The following CDH13 variants were observed in gnomAD, a reference collection of about 807,000 sequenced individuals.
CDH13 encodes the protein cadherin-13.
In CDH13, 24 loss-of-function variants were observed where a neutral mutation model predicts 63.8. That is an observed-to-expected ratio of 0.38 (90% CI 0.27 to 0.53). The LOEUF (loss-of-function observed/expected upper bound fraction) is 0.53, where lower values mean the gene tolerates loss of function less well. Ranked by LOEUF, CDH13 falls within the 20% of genes least tolerant of loss-of-function variation. CDH13 has a pLI of 0.85. For synonymous variants in CDH13, 503 were observed against 355.3 expected (o/e 1.42, Z -4.67); for missense variants, 1,049 against 903.1 (o/e 1.16, Z -2.07).
intron 4 of CDH13, among the ~76,000 whole-genome samples, chr16:83,144,425 C>G (rs901739503): frequency 3.9e-5 from 6 of 152,208 alleles, no homozygotes; most frequent in African/African-American, 1.4e-4. Flanking sequence ...GTAGTCCATT[C>G]TACCTGTCTG....
intron 7 of CDH13, among the ~76,000 whole-genome samples, chr16:83,585,722 G>A (rs956997347): frequency 1.3e-5 from 2 of 151,992 alleles, no homozygotes; most frequent in Non-Finnish European, 2.9e-5. Context: ...GCTGCCAGGA[G>A]TGGCAACCTA....
At chr16:83,216,272 A>G (rs1439360378) in intron 4 of CDH13, among the ~76,000 whole-genome samples, 1 of 150,820 alleles carries the variant, frequency 6.6e-6, no homozygotes, top group African/African-American at 2.4e-5. Flanking sequence ...AGAATGGAAG[A>G]TGTGGTTCTG....
intron 13 of CDH13, among the ~76,000 whole-genome samples, chr16:83,792,044 T>C (rs1916308575): frequency 6.6e-6 from 1 of 152,246 alleles, no homozygotes; most frequent in Non-Finnish European, 1.5e-5. Context: ...CTGCTTTCTC[T>C]AATAATGGCT....
At chr16:83,028,311 C>G (rs1458057034) in intron 2 of CDH13, among the ~76,000 whole-genome samples, 1 of 152,220 alleles carries the variant, frequency 6.6e-6, no homozygotes, top group African/African-American at 2.4e-5. Flanking sequence ...GGGCTACCAA[C>G]ATGGTTAGAG....
At chr16:82,788,193 A>C (rs889181556) in intron 1 of CDH13, among the ~76,000 whole-genome samples, 1 of 152,228 alleles carries the variant, frequency 6.6e-6, no homozygotes, top group African/African-American at 2.4e-5. Flanking sequence ...GGAAAAAAAC[A>C]AAGTGAGGAT....
At chr16:83,038,530 T>A (rs1753429567) in intron 3 of CDH13, among the ~76,000 whole-genome samples, 1 of 152,118 alleles carries the variant, frequency 6.6e-6, no homozygotes, top group African/African-American at 2.4e-5. Context: ...CTGTGGAAGG[T>A]CATGATGAAC....
intron 6 of CDH13, among the ~76,000 whole-genome samples, chr16:83,451,536 T>C (rs539879140): frequency 6.6e-6 from 1 of 152,322 alleles, no homozygotes; most frequent in East Asian, 1.9e-4. Context: ...TTTTGCTTTT[T>C]TGAGACAGGC....
At chr16:83,506,993 TTTTTAGTTGC>T (rs2151595888) in intron 7 of CDH13, among the ~76,000 whole-genome samples, 1 of 152,338 alleles carries the variant, frequency 6.6e-6, no homozygotes, top group South Asian at 2.1e-4. Context: ...ATCATAAATG[TTTTTAGTTGC>T]TTTAAAGCAC....
At chr16:83,276,698 G>C (rs1345328778) in intron 5 of CDH13, among the ~76,000 whole-genome samples, 1 of 151,966 alleles carries the variant, frequency 6.6e-6, no homozygotes, top group South Asian at 2.1e-4. Flanking sequence ...GTGAAACCCT[G>C]TCTCTACTAA....
At chr16:83,335,519 G>T (rs748072788) in intron 5 of CDH13, among the ~76,000 whole-genome samples, 9 of 151,970 alleles carry the variant, frequency 5.9e-5, no homozygotes, top group Non-Finnish European at 1.0e-4. Flanking sequence ...TATGTTTCTT[G>T]CCCTAAGGGA....
At chr16:82,797,782 TGTG>T (rs1401526627) in intron 1 of CDH13, among the ~76,000 whole-genome samples, 2 of 149,934 alleles carry the variant, frequency 1.3e-5, no homozygotes, top group East Asian at 3.9e-4. Flanking sequence ...GCCGTGTGTG[TGTG>T]TGTGTGTGTG....
intron 1 of CDH13, among the ~76,000 whole-genome samples, chr16:82,734,275 C>A (rs1489590849): frequency 6.6e-6 from 1 of 152,140 alleles, no homozygotes; most frequent in African/African-American, 2.4e-5. Flanking sequence ...TAAGCAGTTG[C>A]AATCCTGTGG....
At chr16:83,153,818 T>C (rs2037091250) in intron 4 of CDH13, among the ~76,000 whole-genome samples, 1 of 152,130 alleles carries the variant, frequency 6.6e-6, no homozygotes, top group Non-Finnish European at 1.5e-5. Context: ...TTTGTGGCAT[T>C]TCGGTTTTTT....
chr16:83,055,954 G>T (rs2030883349), intron 3 of CDH13, among the ~76,000 whole-genome samples: 2 of 152,048 alleles, frequency 1.3e-5, no homozygotes, highest in Admixed American at 1.3e-4. Flanking sequence ...TAATATATGG[G>T]TCTATTACAG....
chr16:82,751,423 G>T (rs781728527), intron 1 of CDH13, among the ~76,000 whole-genome samples: 1 of 152,026 alleles, frequency 6.6e-6, no homozygotes, highest in Non-Finnish European at 1.5e-5. Flanking sequence ...CACTTCCCTG[G>T]GAGAGGTCTT....
At chr16:83,536,394 G>A (rs1027212576) in intron 7 of CDH13, among the ~76,000 whole-genome samples, 4 of 152,112 alleles carry the variant, frequency 2.6e-5, no homozygotes, top group Non-Finnish European at 1.5e-5. Context: ...TGATCCTTGG[G>A]GTGAATCAAG....
intron 8 of CDH13, among the ~76,000 whole-genome samples, chr16:83,665,073 C>G (rs985551766): frequency 6.6e-6 from 1 of 152,114 alleles, no homozygotes; most frequent in African/African-American, 2.4e-5. Context: ...GCTTTCCCTT[C>G]CAAATGTGGA....
intron 5 of CDH13, among the ~76,000 whole-genome samples, chr16:83,272,725 G>A (rs2088863151): frequency 6.6e-6 from 1 of 152,136 alleles, no homozygotes; most frequent in South Asian, 2.1e-4. Context: ...TGGGGATTGG[G>A]CTGGACACAC....
chr16:83,104,211 A>G (rs2034650860), intron 3 of CDH13, among the ~76,000 whole-genome samples: 1 of 152,228 alleles, frequency 6.6e-6, no homozygotes, highest in Non-Finnish European at 1.5e-5. Flanking sequence ...ATGTGGGAGA[A>G]TATCAAATGT....
Sources: gnomAD v4.1 joint callset for allele counts (sites outside exome capture counted in the v4.1 genomes callset) on GRCh38, gnomAD v4.1.1 for gene constraint, MANE v1.5 for transcripts, NCBI Gene and HGNC (gene_info 2026-07-23, HGNC 2026-07-21) for gene names.